RPH3AL: variants seen among roughly 807,000 people sequenced by gnomAD.
The protein encoded by RPH3AL is rabphilin 3A like (without C2 domains).
Under a neutral mutation model 43.1 loss-of-function variants are expected in RPH3AL, and 38 were observed. The observed-to-expected ratio is 0.88, with a 90% CI of 0.68 to 1.15. The LOEUF is 1.15. Among genes scored for constraint, RPH3AL ranks in the 50% most tolerant of loss-of-function variants. The probability of loss-of-function intolerance (pLI) is 0.00; values close to 1 mark genes in which losing one functional copy is unlikely to be tolerated. For missense variants in RPH3AL, 462 were observed against 423.2 expected, an observed-to-expected ratio of 1.09 and a Z score of -0.81; for synonymous variants, 189 against 176.3, an observed-to-expected ratio of 1.07 and a Z score of -0.57.
chr17:246,447 C>A lies in RPH3AL; in HGVS notation c.613+664G>T, dbSNP rs1459395323. Among the ~76,000 whole-genome samples the A allele has an allele frequency of 6.6e-6, 1 of 152,126 alleles. No homozygotes were observed. The highest frequency in any genetic ancestry group is 2.4e-5 in the African/African-American group (1 of 41,428). ...AGGAAGTCCCTCCTCTTCTCTGAGC[C>A]GCAGGTACACCCATCTATAAAATGC... On this transcript the variant is annotated intron_variant, in intron 7 of 9. Coordinates refer to ENST00000331302, the MANE Select transcript of RPH3AL (RefSeq NM_006987.4). This position sits in a 1 kb window ranked among gnomAD's most constrained non-coding sequence, Gnocchi z 4.8.
At chr17:302,798 T>C (rs531839580) in intron 5 of RPH3AL, among the ~76,000 whole-genome samples, 1 of 152,342 alleles carries the variant, frequency 6.6e-6, no homozygotes, top group South Asian at 2.1e-4. Flanking sequence ...GACGATGTTT[T>C]TGATATCTTA....
chr17:257,452 G>A (rs199623982), intron 6 of RPH3AL, among the ~76,000 whole-genome samples: 72 of 2,724 alleles, frequency 0.026, 1 homozygote, highest in East Asian at 0.059. Flanking sequence ...TACTTCCTAT[G>A]AGGGGAGCTG....
chr17:238,258 G>A (rs539531943), intron 7 of RPH3AL, among the ~76,000 whole-genome samples: 1 of 151,566 alleles, frequency 6.6e-6, no homozygotes, highest in African/African-American at 2.4e-5. Flanking sequence ...GAAAGAGAGA[G>A]AGAAAGAGAA....
intron 6 of RPH3AL, among the ~76,000 whole-genome samples, chr17:275,331 A>T (rs1163629633): frequency 2.0e-5 from 3 of 152,088 alleles, no homozygotes; most frequent in Non-Finnish European, 2.9e-5. Context: ...GATATAGACC[A>T]CAGTGATGGG....
Position 327,495 on chromosome 17 carries a change from T to C in RPH3AL, c.49A>G (p.Asn17Asp). The C allele has an allele frequency of 6.2e-7, 1 of 1,613,864 alleles. No homozygotes were observed. The highest frequency in any genetic ancestry group is 1.7e-4 in the Middle Eastern group (1 of 6,060). Reference sequence around the variant, plus strand: ...GCTCGAAGGGCAAGCTGCCGGTCATTGGGGCAAACCCACTGATCATTCCCG... The same window carrying C: ...GCTCGAAGGGCAAGCTGCCGGTCATCGGGGCAAACCCACTGATCATTCCCG... ...GSGNDQWVCP[N>D]DRQLALRAKL... The change falls in exon 3 of 10, where the codon AAT becomes GAT. Residue 17 changes from asparagine to aspartate, a missense_variant. Physicochemically the swap from Asn to Asp is conservative, Grantham distance 23. Transcript: ENST00000331302.
chr17:327,375 T>A (rs2044643325), intron 3 of RPH3AL, 92 bp downstream of exon 3: 2 of 1,170,894 alleles, frequency 1.7e-6, no homozygotes, highest in East Asian at 4.7e-5. Context: ...AACATCTCTT[T>A]CTGGGCCCCT....
Position 245,102 on chromosome 17 carries a change from T to G in RPH3AL, c.613+2009A>C, listed in dbSNP as rs1312417783. 6.6e-6 allele frequency among the ~76,000 whole-genome samples: 1 copy of G among 150,806 alleles called. No individual in the cohort carries two copies. The highest frequency in any genetic ancestry group is 1.5e-5 in the Non-Finnish European group (1 of 67,802). ...GCATGCGCAAGTGTGTGTAGACGTG[T>G]GTGTACATGTGGATGTGTGTGTGGA... On this transcript the variant is annotated intron_variant, in intron 7 of 9. Coordinates refer to ENST00000331302, the MANE Select transcript of RPH3AL (RefSeq NM_006987.4). This position sits in a 1 kb window ranked among gnomAD's most constrained non-coding sequence, Gnocchi z 5.9.
intron 3 of RPH3AL, among the ~76,000 whole-genome samples, chr17:324,686 T>G (rs141862888): frequency 6.5e-5 from 9 of 137,474 alleles, no homozygotes; most frequent in Non-Finnish European, 1.1e-4. Context: ...TATCTTTCTA[T>G]CTATCTAGCT....
At chr17:247,364 G>A (rs1004577287) in intron 6 of RPH3AL, 79 bp from the exon 7 acceptor site, 19 of 1,393,034 alleles carry the variant, frequency 1.4e-5, no homozygotes, top group Admixed American at 2.8e-5. Flanking sequence ...GATGACGGGA[G>A]GCAGGACGCG....
At chr17:236,319 C>A (rs557971901) in intron 7 of RPH3AL, among the ~76,000 whole-genome samples, 2 of 152,290 alleles carry the variant, frequency 1.3e-5, no homozygotes, top group African/African-American at 4.8e-5. Context: ...ATCGAGGAAA[C>A]CTAAATGTCC....
intron 2 of RPH3AL, chr17:331,580 T>G (rs1261315302): frequency 7.8e-7 from 1 of 1,281,280 alleles, no homozygotes; most frequent in Non-Finnish European, 1.0e-6. Flanking sequence ...GAAGGGCAAC[T>G]CGAGGAGGCA....
intron 2 of RPH3AL, among the ~76,000 whole-genome samples, chr17:329,288 T>C (rs1207583768): frequency 6.6e-6 from 1 of 151,726 alleles, no homozygotes; most frequent in Non-Finnish European, 1.5e-5. Context: ...GCCTGGCCAA[T>C]ATGGTGAAAC....
Position 215,830 on chromosome 17 carries a change from G to A in RPH3AL, c.728-28C>T. On this transcript the variant is annotated intron_variant, in intron 8 of 9. Coordinates refer to ENST00000331302, the MANE Select transcript of RPH3AL (RefSeq NM_006987.4). This position sits in a 1 kb window ranked among gnomAD's most constrained non-coding sequence, Gnocchi z 4.1. Reference sequence around the variant, plus strand: ...GTGGGAAATCACGTGTGGGCCCCGTGGATCTCAAACCGAGACGGGGTGATC... The same window carrying A: ...GTGGGAAATCACGTGTGGGCCCCGTAGATCTCAAACCGAGACGGGGTGATC... 2 of 1,301,008 alleles carry A rather than the reference G, an allele frequency of 1.5e-6. No individual in the cohort carries two copies. Among genetic ancestry groups the A allele is most frequent in the Non-Finnish European group, 2.0e-6 (2 of 1,021,468 alleles). 80.6% of individuals were successfully genotyped at this position (1,301,008 alleles called of 1,614,324 possible).
intron 8 of RPH3AL, among the ~76,000 whole-genome samples, chr17:218,972 A>G (rs559703777): frequency 1.3e-5 from 2 of 152,174 alleles, no homozygotes; most frequent in South Asian, 4.2e-4. Flanking sequence ...GCATGGGAGG[A>G]GTCCCAGGTA....
rs565279370 is a variant in RPH3AL at position 292,796 on chromosome 17, G to A, written c.352-10942C>T. Among the ~76,000 whole-genome samples the A allele has an allele frequency of 6.6e-5, 10 of 152,296 alleles. No homozygotes were observed. In the East Asian group the frequency reaches 1.4e-3, roughly 21 times the overall value. On this transcript the variant is annotated intron_variant, in intron 5 of 9. Coordinates refer to ENST00000331302, the MANE Select transcript of RPH3AL (RefSeq NM_006987.4). ...CACAGCCAGGCCCCTCTTCCCATTC[G>A]TTAGGACACAGCCCGGGGGCCAGCA...
At chr17:299,908 G>A (rs577866906) in intron 5 of RPH3AL, among the ~76,000 whole-genome samples, 2 of 152,256 alleles carry the variant, frequency 1.3e-5, no homozygotes, top group African/African-American at 2.4e-5. Flanking sequence ...TGTCCCGGGG[G>A]AGAAGGAGTC....
intron 1 of RPH3AL, among the ~76,000 whole-genome samples, chr17:343,863 C>T (rs555752867): frequency 4.6e-5 from 7 of 152,282 alleles, no homozygotes; most frequent in African/African-American, 1.7e-4. Context: ...GTAGGTAACA[C>T]AACCAGCACA....
intron 5 of RPH3AL, among the ~76,000 whole-genome samples, chr17:285,858 T>C (rs919916835): frequency 5.3e-5 from 8 of 152,254 alleles, no homozygotes; most frequent in Non-Finnish European, 7.4e-5. Context: ...AGCGCGGCTC[T>C]ATCTCCACCC....
At chr17:233,556 T>G (rs1424729922) in intron 7 of RPH3AL, among the ~76,000 whole-genome samples, 1 of 152,132 alleles carries the variant, frequency 6.6e-6, no homozygotes, top group Non-Finnish European at 1.5e-5. Context: ...CACACAGACG[T>G]GACCTGGTCA....
Sources: allele counts gnomAD v4.1 joint callset (sites outside exome capture counted in the v4.1 genomes callset), GRCh38; gene constraint gnomAD v4.1.1; non-coding constraint Gnocchi (gnomAD v3.1); transcripts MANE v1.5; gene names NCBI Gene and HGNC (gene_info 2026-07-23, HGNC 2026-07-21).